NEMP2: variants seen among roughly 807,000 people sequenced by gnomAD.
NEMP2 encodes UPF0571 transmembrane protein.
In NEMP2, 53 loss-of-function variants were observed where a neutral mutation model predicts 54.2. That is an observed-to-expected ratio of 0.98 (90% confidence interval 0.78 to 1.23). The LOEUF (loss-of-function observed/expected upper bound fraction) is 1.23, where lower values mean the gene tolerates loss of function less well. NEMP2 is among the 50% of genes most tolerant of loss of function. The pLI, the probability that NEMP2 is intolerant of heterozygous loss-of-function variation, is 0.00. For synonymous variants in NEMP2, 197 were observed against 190.3 expected (o/e 1.04, Z -0.29); for missense variants, 455 against 511.3 (o/e 0.89, Z 1.06).
chr2:190,425,937 GT>G, the NEMP2 span, among the ~76,000 whole-genome samples: 1 of 151,974 alleles, frequency 6.6e-6, no homozygotes, highest in Non-Finnish European at 1.5e-5. This position sits in a 1 kb window ranked among gnomAD's most constrained non-coding sequence, Gnocchi z 4.3. Flanking sequence ...CATTTCAATT[GT>G]TTTTCTCCCA....
chr2:190,570,514 ATCT>A, the NEMP2 span, among the ~76,000 whole-genome samples: 1 of 152,184 alleles, frequency 6.6e-6, no homozygotes, highest in African/African-American at 2.4e-5. This position sits in a 1 kb window ranked among gnomAD's most constrained non-coding sequence, Gnocchi z 5.4. Flanking sequence ...GGCCAAGGTA[ATCT>A]TCTTAGCAGG....
chr2:190,455,243 A>G, the NEMP2 span, among the ~76,000 whole-genome samples: 2 of 151,502 alleles, frequency 1.3e-5, no homozygotes, highest in Non-Finnish European at 2.9e-5. Context: ...ATTAATTACT[A>G]TGACTTTCAT....
rs1690178402 is a variant in NEMP2 at position 190,505,997 on chromosome 2, T to C, written c.*3192A>G. On this transcript the variant is annotated 3_prime_UTR_variant, in exon 9 of 9. Transcript: ENST00000409150. This position sits in a 1 kb window ranked among gnomAD's most constrained non-coding sequence, Gnocchi z 5.8. ...ACCAAGTAGCCACCTTATTATAATT[T>C]GACCCCTTGTAAATCTGTCTTCTGA... The C allele has an allele frequency of 6.6e-6, 1 of 152,116 alleles. No individual in the cohort carries two copies. Among genetic ancestry groups the C allele is most frequent in the African/African-American group, 2.4e-5 (1 of 41,328 alleles). The allele number at this position is 152,116 out of a possible 1,614,324, so 9.4% of individuals were successfully genotyped here.
chr2:190,600,056 G>A, the NEMP2 span, among the ~76,000 whole-genome samples: 1 of 152,174 alleles, frequency 6.6e-6, no homozygotes, highest in African/African-American at 2.4e-5. The surrounding 1 kb of genome is among the most constrained non-coding windows in gnomAD (Gnocchi z 4.9). Context: ...TCACTGGTCT[G>A]AGCGGTACAG....
At chr2:190,485,688 C>A in the NEMP2 span, among the ~76,000 whole-genome samples, 1 of 152,000 alleles carries the variant, frequency 6.6e-6, no homozygotes, top group Non-Finnish European at 1.5e-5. The surrounding 1 kb of genome is among the most constrained non-coding windows in gnomAD (Gnocchi z 5.1). Flanking sequence ...TCTGAGAAAG[C>A]TGGCATTATC....
At chr2:190,463,353 G>A in the NEMP2 span, among the ~76,000 whole-genome samples, 1 of 152,186 alleles carries the variant, frequency 6.6e-6, no homozygotes, top group Non-Finnish European at 1.5e-5. This position sits in a 1 kb window ranked among gnomAD's most constrained non-coding sequence, Gnocchi z 4.4. Flanking sequence ...CAGTGATTAT[G>A]TAGAAATAAG....
the NEMP2 span, among the ~76,000 whole-genome samples, chr2:190,632,625 C>T: frequency 6.6e-6 from 1 of 152,208 alleles, no homozygotes; most frequent in Non-Finnish European, 1.5e-5. The surrounding 1 kb of genome is among the most constrained non-coding windows in gnomAD (Gnocchi z 4.8). Flanking sequence ...GTCAGGGCTC[C>T]ATCCTCATAT....
rs1306785925 is a variant in NEMP2, at chr2:190,506,961, G to A, written c.*2228C>T. Reference sequence around the variant, plus strand: ...AAAGGCCTTTAAAAAGGGAGGAGGAGAGGAGACAGGAGGTGAGGGAGAAAG... The same window carrying A: ...AAAGGCCTTTAAAAAGGGAGGAGGAAAGGAGACAGGAGGTGAGGGAGAAAG... On this transcript the variant is annotated 3_prime_UTR_variant, in exon 9 of 9. Transcript: ENST00000409150. The surrounding 1 kb of genome is among the most constrained non-coding windows in gnomAD (Gnocchi z 6.3). 1 of 152,194 alleles carries A rather than the reference G, an allele frequency of 6.6e-6. No homozygotes were observed. The highest frequency in any genetic ancestry group is 1.5e-5 in the Non-Finnish European group (1 of 68,046). The allele number at this position is 152,194 out of a possible 1,614,324, so 9.4% of individuals were successfully genotyped here.
the NEMP2 span, among the ~76,000 whole-genome samples, chr2:190,541,168 T>TA: frequency 4.3e-5 from 6 of 140,406 alleles, no homozygotes; most frequent in African/African-American, 1.3e-4. The surrounding 1 kb of genome is among the most constrained non-coding windows in gnomAD (Gnocchi z 5.2). Flanking sequence ...CAATTTCATT[T>TA]TATATATATG....
chr2:190,551,426 G>C, the NEMP2 span, among the ~76,000 whole-genome samples: 11 of 148,460 alleles, frequency 7.4e-5, no homozygotes, highest in Non-Finnish European at 1.0e-4. Flanking sequence ...GGCAAAGTTT[G>C]TTTTGTTTTC....
chr2:190,441,809 T>G, the NEMP2 span, among the ~76,000 whole-genome samples: 2 of 152,000 alleles, frequency 1.3e-5, no homozygotes, highest in African/African-American at 2.4e-5. Context: ...TCCAACAACA[T>G]TCTCTCCTCT....
chr2:190,473,870 A>T, the NEMP2 span, among the ~76,000 whole-genome samples: 1 of 152,248 alleles, frequency 6.6e-6, no homozygotes, highest in East Asian at 1.9e-4. Flanking sequence ...ACTGTCTCTC[A>T]GACCACAGTG....
At chr2:190,631,780 G>T in the NEMP2 span, among the ~76,000 whole-genome samples, 1 of 152,200 alleles carries the variant, frequency 6.6e-6, no homozygotes, top group Admixed American at 6.5e-5. Context: ...CATGGGCTGG[G>T]CATGGTGGCT....
chr2:190,547,146 C>A, the NEMP2 span, among the ~76,000 whole-genome samples: 21 of 152,154 alleles, frequency 1.4e-4, no homozygotes, highest in African/African-American at 5.1e-4. This position sits in a 1 kb window ranked among gnomAD's most constrained non-coding sequence, Gnocchi z 6.2. Context: ...TAGCCTATAC[C>A]CTTGCTAAAA....
chr2:190,552,057 G>A, the NEMP2 span, among the ~76,000 whole-genome samples: 2 of 152,172 alleles, frequency 1.3e-5, no homozygotes, highest in African/African-American at 2.4e-5. Flanking sequence ...GATCTAGATT[G>A]CTTAAGCACT....
At chr2:190,601,480 C>T in the NEMP2 span, among the ~76,000 whole-genome samples, 124 of 152,300 alleles carry the variant, frequency 8.1e-4, no homozygotes, top group African/African-American at 2.9e-3. The surrounding 1 kb of genome is among the most constrained non-coding windows in gnomAD (Gnocchi z 5.8). Context: ...CTCAAAGCTC[C>T]TGGAAGGGTG....
chr2:190,609,985 G>T, the NEMP2 span: 1 of 152,190 alleles, frequency 6.6e-6, no homozygotes, highest in Non-Finnish European at 1.5e-5. This position sits in a 1 kb window ranked among gnomAD's most constrained non-coding sequence, Gnocchi z 4.7. Context: ...CGAAAGCACA[G>T]CTCAGGTTTC....
chr2:190,478,695 T>C, the NEMP2 span, among the ~76,000 whole-genome samples: 1 of 152,152 alleles, frequency 6.6e-6, no homozygotes, highest in Non-Finnish European at 1.5e-5. Flanking sequence ...ATGTTACTTG[T>C]TGATTGCCAA....
At chr2:190,446,182 A>G in the NEMP2 span, among the ~76,000 whole-genome samples, 43 of 152,328 alleles carry the variant, frequency 2.8e-4, no homozygotes, top group African/African-American at 9.6e-4. Context: ...GTTTCCTAAG[A>G]CCAAAATGAG....
Sources: allele counts gnomAD v4.1 joint callset (sites outside exome capture counted in the v4.1 genomes callset), GRCh38; gene constraint gnomAD v4.1.1; non-coding constraint Gnocchi (gnomAD v3.1); transcripts MANE v1.5; gene names NCBI Gene and HGNC (gene_info 2026-07-23, HGNC 2026-07-21).